Variants in CSMD1 observed in about 807,000 individuals in gnomAD.
CSMD1 encodes CUB and Sushi multiple domains 1, also known as CUB and sushi domain-containing protein 1.
Under a neutral mutation model 417.5 loss-of-function variants are expected in CSMD1, and 213 were observed. The observed-to-expected ratio is 0.51, with a 90% CI of 0.46 to 0.57. CSMD1 has a LOEUF of 0.57. Ranked by LOEUF, CSMD1 falls within the 20% of genes least tolerant of loss-of-function variation. CSMD1 has a pLI of 0.00. For synonymous variants in CSMD1, 2,862 were observed against 1,736.8 expected (o/e 1.65, Z -16.11); for missense variants, 6,923 against 4,529.7 (o/e 1.53, Z -15.17).
chr8:4,131,383 A>T (rs1369409343), intron 3 of CSMD1, among the ~76,000 whole-genome samples: 1 of 152,104 alleles, frequency 6.6e-6, no homozygotes, highest in Non-Finnish European at 1.5e-5. Context: ...TTCTAATCAC[A>T]TCCCTTAAGC....
intron 10 of CSMD1, among the ~76,000 whole-genome samples, chr8:3,550,121 T>A (rs552911850): frequency 1.3e-5 from 2 of 152,134 alleles, no homozygotes; most frequent in East Asian, 1.9e-4. Context: ...AAGTGTCCCA[T>A]TGGGATCACC....
chr8:4,525,623 A>T (rs188947599), intron 2 of CSMD1, among the ~76,000 whole-genome samples: 2 of 152,290 alleles, frequency 1.3e-5, no homozygotes, highest in East Asian at 3.9e-4. Context: ...TGCAAAAGTA[A>T]TAGCGGTTTT....
chr8:4,889,356 A>C (rs1803956895), intron 1 of CSMD1, among the ~76,000 whole-genome samples: 2 of 152,150 alleles, frequency 1.3e-5, no homozygotes, highest in Non-Finnish European at 2.9e-5. Flanking sequence ...AAATGTGTCA[A>C]CCTCTTGAAA....
intron 6 of CSMD1, among the ~76,000 whole-genome samples, chr8:3,729,068 C>T (rs1046382897): frequency 4.6e-5 from 7 of 152,234 alleles, no homozygotes; most frequent in Admixed American, 2.0e-4. Context: ...CGTAATTCTC[C>T]ACGTGATCTG....
intron 10 of CSMD1, among the ~76,000 whole-genome samples, chr8:3,566,868 G>C (rs1463770575): frequency 6.6e-6 from 1 of 152,180 alleles, no homozygotes; most frequent in East Asian, 1.9e-4. Context: ...AAGGCAGCGT[G>C]GTGATTCCTG....
At chr8:3,380,454 G>C (rs1432229581) in intron 18 of CSMD1, among the ~76,000 whole-genome samples, 2 of 152,068 alleles carry the variant, frequency 1.3e-5, no homozygotes, top group African/African-American at 4.8e-5. Flanking sequence ...GTTTATTGCA[G>C]CCCTGTTCAC....
intron 7 of CSMD1, among the ~76,000 whole-genome samples, chr8:3,668,323 G>A (rs953653746): frequency 1.3e-5 from 2 of 152,150 alleles, no homozygotes; most frequent in African/African-American, 2.4e-5. Context: ...GGAAGGAGGG[G>A]CATGTCCCAC....
rs567662887 is a variant in CSMD1 at position 4,178,838 on chromosome 8, G to C, written c.416-146739C>G. Among the ~76,000 whole-genome samples, 50 of 152,244 alleles carry C rather than the reference G, an allele frequency of 3.3e-4. 1 individual carries two copies. Among genetic ancestry groups the C allele is most frequent in the African/African-American group, 1.0e-3 (43 of 41,532 alleles). On this transcript the variant is annotated intron_variant, in intron 3 of 69. Transcript: ENST00000635120. Reference sequence around the variant, plus strand: ...AACTCCCATTCACAATTCCTTCAAAGAGAATAAAATACTTAGAAATCCAAC... The same window carrying C: ...AACTCCCATTCACAATTCCTTCAAACAGAATAAAATACTTAGAAATCCAAC...
At position 3,162,225 on chromosome 8, in the gene CSMD1, T is replaced by A. The variant is rs748873678; in HGVS notation, c.5778A>T (p.Lys1926Asn). The stretch of plus-strand genomic sequence containing the variant: ...CGTTCACCATGTACCGATCTCCGAT[T>A]TTGATGCTGTTGCTGGGGAGGGCTG... ...QEPALPSNSI[K>N]IGDRYMVNDV... Residue 1926 changes from lysine to asparagine, a missense_variant, in exon 38 of 70, where the codon AAA becomes AAT. Lys to Asn is a moderately conservative substitution (Grantham distance 94). Coordinates refer to ENST00000635120, the MANE Select transcript of CSMD1 (RefSeq NM_033225.6). The A allele has an allele frequency of 6.8e-6, 11 of 1,611,594 alleles. No homozygotes were observed. Among genetic ancestry groups the A allele is most frequent in the African/African-American group, 1.3e-5 (1 of 74,898 alleles).
intron 25 of CSMD1, among the ~76,000 whole-genome samples, chr8:3,290,818 T>A (rs1208675455): frequency 5.4e-5 from 8 of 148,774 alleles, no homozygotes; most frequent in Non-Finnish European, 1.5e-5. Flanking sequence ...ACTCTTTATT[T>A]CTTTCTCGTG....
intron 52 of CSMD1, among the ~76,000 whole-genome samples, chr8:3,017,364 A>C (rs1255483639): frequency 6.6e-6 from 1 of 152,218 alleles, no homozygotes; most frequent in Non-Finnish European, 1.5e-5. Flanking sequence ...GTGACTCTCT[A>C]CATGAAGAAG....
Position 3,230,052 on chromosome 8 carries a change from G to T in CSMD1, c.4333C>A (p.Pro1445Thr), listed in dbSNP as rs748001209. Reference protein sequence around the residue: ...NNRFFWQPDPPTCIAACGGNL... With the variant: ...NNRFFWQPDPTTCIAACGGNL... ...TGTTGTCTGATACCTATGCATGTAG[G>T]AGGGTCTGGTTGCCAAAAGAACCGG... The change falls in exon 27 of 70, where the codon CCT becomes ACT. Residue 1445 changes from proline (P) to threonine (T), a missense_variant. Coordinates refer to ENST00000635120, the MANE Select transcript of CSMD1 (RefSeq NM_033225.6). 1.2e-6 allele frequency: 2 copies of T among 1,604,044 alleles called. No individual in the cohort carries two copies. The highest frequency in any genetic ancestry group is 3.4e-5 in the Admixed American group (2 of 58,470).
At chr8:3,369,161 C>T (rs1394144939) in intron 19 of CSMD1, 93 bp downstream of exon 19, 4 of 619,632 alleles carry the variant, frequency 6.5e-6, no homozygotes, top group East Asian at 5.6e-5. Flanking sequence ...GTAGTTATCT[C>T]ACTTGTTTAC....
Position 4,666,760 on chromosome 8 carries a change from G to C in CSMD1, c.86-29202C>G, listed in dbSNP as rs147684434. The stretch of plus-strand genomic sequence containing the variant: ...CTTCATACAGTCAAGTCCTTCATCA[G>C]ATATGTATTTTGCAAAAACGTTCTC... On this transcript the variant is annotated intron_variant, in intron 1 of 69. Coordinates refer to ENST00000635120, the MANE Select transcript of CSMD1 (RefSeq NM_033225.6). 1.6e-3 allele frequency among the ~76,000 whole-genome samples: 247 copies of C among 152,144 alleles called. 1 individual carries two copies. Among genetic ancestry groups the C allele is most frequent in the African/African-American group, 5.7e-3 (235 of 41,530 alleles).
intron 54 of CSMD1, among the ~76,000 whole-genome samples, chr8:2,992,996 G>T (rs527898864): frequency 2.6e-5 from 4 of 152,266 alleles, no homozygotes; most frequent in Non-Finnish European, 5.9e-5. Context: ...GCCTCCCAAA[G>T]TGCTGGGACT....
chr8:4,344,345 G>C (rs1800655961), intron 3 of CSMD1, among the ~76,000 whole-genome samples: 2 of 151,908 alleles, frequency 1.3e-5, no homozygotes, highest in Admixed American at 1.3e-4. Context: ...ACATCTTTCA[G>C]GTTTGGTACA....
intron 10 of CSMD1, among the ~76,000 whole-genome samples, chr8:3,568,334 G>A (rs964046047): frequency 2.4e-4 from 36 of 152,094 alleles, no homozygotes; most frequent in Admixed American, 2.6e-4. Flanking sequence ...TTTTATAGCT[G>A]AGTAATATTT....
intron 3 of CSMD1, among the ~76,000 whole-genome samples, chr8:4,043,194 T>C (rs1055659605): frequency 1.3e-5 from 2 of 152,146 alleles, no homozygotes; most frequent in African/African-American, 4.8e-5. Flanking sequence ...TATGGTAGAC[T>C]GCTATAAAGT....
intron 26 of CSMD1, 67 bp downstream of exon 26, chr8:3,284,077 A>T: frequency 8.1e-7 from 1 of 1,234,390 alleles, no homozygotes; most frequent in Non-Finnish European, 1.2e-6. Context: ...ATATAAATGG[A>T]GGGAGATCTG....
Sources: gnomAD v4.1 joint callset for allele counts (sites outside exome capture counted in the v4.1 genomes callset) on GRCh38, gnomAD v4.1.1 for gene constraint, MANE v1.5 for transcripts, NCBI Gene and HGNC (gene_info 2026-07-23, HGNC 2026-07-21) for gene names.